The following SDHD variants were observed in gnomAD, a reference collection of about 807,000 sequenced individuals.
SDHD encodes succinate dehydrogenase complex subunit D.
A neutral mutation model predicts 18.7 loss-of-function variants in SDHD; 6 were observed. That is an observed-to-expected ratio of 0.32 (90% CI 0.18 to 0.63). SDHD has a LOEUF of 0.63. Ranked by LOEUF, SDHD falls within the 30% of genes least tolerant of loss-of-function variation. The pLI is 0.79. For missense variants in SDHD, 160 were observed against 192.7 expected (o/e 0.83, Z 1.00); for synonymous variants, 56 against 73.9 (o/e 0.76, Z 1.24).
chr11:112,093,995 T>C (rs1027286712), intron 3 of SDHD, among the ~76,000 whole-genome samples: 5 of 152,220 alleles, frequency 3.3e-5, no homozygotes, highest in Non-Finnish European at 7.3e-5. Flanking sequence ...TTTGAATTAA[T>C]TAAAAATACT....
chr11:112,088,741 C>A lies in SDHD; in HGVS notation c.170-126C>A. 3 of 1,043,564 alleles carry A rather than the reference C, an allele frequency of 2.9e-6. No individual in the cohort carries two copies. The South Asian group carries it at 3.8e-5, about 13-fold the overall frequency. The allele number at this position is 1,043,564 out of a possible 1,614,324, so 64.6% of individuals were successfully genotyped here. ...AACTACTATTTTGATATTTTACTTC[C>A]TTTGTACTCAGAGTTATATCCTATA... is the stretch of plus-strand genomic sequence containing the variant. On this transcript the variant is annotated intron_variant, in intron 2 of 3. Coordinates refer to ENST00000375549, the MANE Select transcript of SDHD (RefSeq NM_003002.4).
At position 112,086,906 on chromosome 11, in the gene SDHD, A is replaced by C. The variant is rs1273463697; in HGVS notation, c.-2A>C. 1 of 1,614,064 alleles carries C rather than the reference A, an allele frequency of 6.2e-7. No homozygotes were observed. The highest frequency in any genetic ancestry group is 2.2e-5 in the East Asian group (1 of 44,890). ...GGATGACCTTGAGCCCTCAGGAACG[A>C]GATGGCGGTTCTCTGGAGGCTGAGT... On this transcript the variant is annotated 5_prime_UTR_variant, in exon 1 of 4. Transcript: ENST00000375549.
chr11:112,093,329 G>C (rs1416533358), intron 3 of SDHD: 1 of 204,534 alleles, frequency 4.9e-6, no homozygotes, highest in Admixed American at 6.2e-5. Flanking sequence ...CCCACCCAAA[G>C]TGCTGGGATT....
chr11:112,091,059 G>A (rs971479255), intron 3 of SDHD: 24 of 965,728 alleles, frequency 2.5e-5, no homozygotes, highest in Non-Finnish European at 3.0e-5. Flanking sequence ...TGTTGTTGAT[G>A]TTGTTTTTTA....
chr11:112,095,778 T>C lies in SDHD; in HGVS notation c.*808T>C. The C allele has an allele frequency of 4.9e-6, 1 of 203,858 alleles. No individual in the cohort carries two copies. The highest frequency in any genetic ancestry group is 1.0e-5 in the Non-Finnish European group (1 of 100,094). The allele number at this position is 203,858 out of a possible 1,614,324, so 12.6% of individuals were successfully genotyped here. ...TAAATAAAATGTTATATAATAAAAGTGTCTTCTATGCTTTTATATATTAGC... is the reference window on the plus strand; with the variant it reads ...TAAATAAAATGTTATATAATAAAAGCGTCTTCTATGCTTTTATATATTAGC... On this transcript the variant is annotated 3_prime_UTR_variant, in exon 4 of 4. Coordinates refer to ENST00000375549, the MANE Select transcript of SDHD (RefSeq NM_003002.4).
chr11:112,087,886 C>A lies in SDHD; in HGVS notation c.82C>A (p.Pro28Thr), dbSNP rs541477171. ...ALLLRTPVVR[P>T]AHISAFLQDR... ...GTTGCTTCGAACTCCAGTGGTCAGA[C>A]CTGCTCATATCTCAGCATTTCTTCA... is the stretch of plus-strand genomic sequence containing the variant. The change falls in exon 2 of 4, where the codon CCT becomes ACT. Residue 28 changes from proline to threonine, a missense_variant. Coordinates refer to ENST00000375549, the MANE Select transcript of SDHD (RefSeq NM_003002.4). 2 of 1,613,608 alleles carry A rather than the reference C, an allele frequency of 1.2e-6. No individual in the cohort carries two copies. Among genetic ancestry groups the A allele is most frequent in the Non-Finnish European group, 1.7e-6 (2 of 1,179,648 alleles).
At chr11:112,089,653 T>TA (rs35404297) in intron 3 of SDHD, among the ~76,000 whole-genome samples, 77,228 of 151,904 alleles carry the variant, frequency 0.51, 21,841 homozygotes, top group Non-Finnish European at 0.63. Context: ...GGGCTTCTCT[T>TA]ACTGCTTCTG....
At chr11:112,090,525 A>G (rs951628835) in intron 3 of SDHD, among the ~76,000 whole-genome samples, 8 of 152,118 alleles carry the variant, frequency 5.3e-5, no homozygotes, top group Non-Finnish European at 1.2e-4. Flanking sequence ...TAAGTTTTGC[A>G]AGGGACAATA....
At chr11:112,089,063 G>A (rs1187456883) in intron 3 of SDHD, 52 bp downstream of exon 3, 1 of 1,603,414 alleles carries the variant, frequency 6.2e-7, no homozygotes, top group East Asian at 2.2e-5. Flanking sequence ...TTTGCTGTGA[G>A]CTTGTCTTAT....
chr11:112,093,461 G>T (rs1022073202), intron 3 of SDHD, among the ~76,000 whole-genome samples: 1 of 152,070 alleles, frequency 6.6e-6, no homozygotes, highest in Admixed American at 6.6e-5. Context: ...GAGGTAGAGG[G>T]TTTCTTTTTG....
chr11:112,087,762 T>C (rs1333187981), intron 1 of SDHD, 95 bp from the exon 2 acceptor site: 1 of 814,192 alleles, frequency 1.2e-6, no homozygotes, highest in African/African-American at 1.7e-5. Context: ...TATCCCCTAT[T>C]TATTGTTAAG....
chr11:112,095,015 C>T lies in SDHD; in HGVS notation c.*45C>T, dbSNP rs753390481. On this transcript the variant is annotated 3_prime_UTR_variant, in exon 4 of 4. Transcript: ENST00000375549. ...TGAAGAATTGATGTATGCCTCTTTG[C>T]CTCTGCTTTGTCATGCCATTAAGCT... 3 of 1,549,480 alleles carry T rather than the reference C, an allele frequency of 1.9e-6. No individual in the cohort carries two copies. Among genetic ancestry groups the T allele is most frequent in the African/African-American group, 2.7e-5 (2 of 73,620 alleles).
At chr11:112,092,626 T>C (rs1164688937) in intron 3 of SDHD, among the ~76,000 whole-genome samples, 1 of 152,200 alleles carries the variant, frequency 6.6e-6, no homozygotes, top group Non-Finnish European at 1.5e-5. Flanking sequence ...TTTTAAGTGT[T>C]GCTGAGGACT....
intron 3 of SDHD, among the ~76,000 whole-genome samples, chr11:112,089,336 G>A (rs551346691): frequency 6.6e-6 from 1 of 152,050 alleles, no homozygotes; most frequent in Non-Finnish European, 1.5e-5. Context: ...TCTAAACCTG[G>A]TAAGCTCCAA....
At chr11:112,088,167 C>T in intron 2 of SDHD, 194 bp downstream of exon 2, 3 of 651,204 alleles carry the variant, frequency 4.6e-6, no homozygotes, top group Non-Finnish European at 8.3e-6. Flanking sequence ...TCATAGAAGA[C>T]CTTCTAGCCT....
At chr11:112,093,509 A>G (rs1411916954) in intron 3 of SDHD, among the ~76,000 whole-genome samples, 1 of 152,164 alleles carries the variant, frequency 6.6e-6, no homozygotes, top group Non-Finnish European at 1.5e-5. Flanking sequence ...TGATGATTGC[A>G]CAACTCAATA....
intron 3 of SDHD, among the ~76,000 whole-genome samples, chr11:112,093,753 C>T (rs912530276): frequency 1.6e-4 from 24 of 152,196 alleles, no homozygotes. Context: ...ATCTCTGCTT[C>T]ACCCATGTGC....
intron 1 of SDHD, 30 bp downstream of exon 1, chr11:112,086,989 A>G (rs1229659254): frequency 6.2e-7 from 1 of 1,613,464 alleles, no homozygotes; most frequent in Non-Finnish European, 8.5e-7. Context: ...TGAGGTGCTT[A>G]GCGTAGCCTC....
chr11:112,088,749 T>C, intron 2 of SDHD, 118 bp from the exon 3 acceptor site: 3 of 1,105,284 alleles, frequency 2.7e-6, no homozygotes, highest in Non-Finnish European at 4.2e-6. Context: ...TCCTTTGTAC[T>C]CAGAGTTATA....
Sources: allele counts gnomAD v4.1 joint callset (sites outside exome capture counted in the v4.1 genomes callset), GRCh38; gene constraint gnomAD v4.1.1; transcripts MANE v1.5; gene names NCBI Gene and HGNC (gene_info 2026-07-23, HGNC 2026-07-21).